The following NEB variants were observed in gnomAD, a reference collection of about 807,000 sequenced individuals.
The protein encoded by NEB is nebulin.
A neutral mutation model predicts 952.2 loss-of-function variants in NEB; 512 were observed. That is an observed-to-expected ratio of 0.54 (90% CI 0.50 to 0.58). The LOEUF is 0.58. Ranked by LOEUF, NEB falls within the 20% of genes least tolerant of loss-of-function variation. The probability of loss-of-function intolerance (pLI) is 0.00; values close to 1 mark genes in which losing one functional copy is unlikely to be tolerated. For synonymous variants in NEB, 2,900 were observed against 3,149.8 expected (o/e 0.92, Z 2.66); for missense variants, 8,428 against 9,231.1 (o/e 0.91, Z 3.56).
intron 58 of NEB, 37 bp from the exon 59 acceptor site, chr2:151,642,906 G>A: frequency 1.4e-6 from 2 of 1,469,802 alleles, no homozygotes; most frequent in South Asian, 1.2e-5. Flanking sequence ...GTATAGGCCA[G>A]TAATAAATAG....
At chr2:151,492,325 C>A in intron 177 of NEB, 44 bp from the exon 178 acceptor site, 1 of 1,597,522 alleles carries the variant, frequency 6.3e-7, no homozygotes, top group Non-Finnish European at 8.5e-7. Flanking sequence ...GATGGTGTGA[C>A]TATATCCCTT....
At chr2:151,523,235 A>T (rs1253568836) in intron 153 of NEB, among the ~76,000 whole-genome samples, 1 of 152,204 alleles carries the variant, frequency 6.6e-6, no homozygotes, top group Non-Finnish European at 1.5e-5. Context: ...CAATTCCATT[A>T]ATTTATAATA....
Position 151,547,472 on chromosome 2 carries a change from G to T in NEB, c.20324C>A (p.Pro6775His), listed in dbSNP as rs756765934. 1 of 1,607,600 alleles carries T rather than the reference G, an allele frequency of 6.2e-7. No homozygotes were observed. The highest frequency in any genetic ancestry group is 8.5e-7 in the Non-Finnish European group (1 of 1,177,200). ...QGHMISLPYT[P>H]QVIHCRYVGD... Reference sequence around the variant, plus strand: ...CACATAGCGGCAATGGATCACTTGGGGTGTGTATGGCAGAGAGATCATGTG... The same window carrying T: ...CACATAGCGGCAATGGATCACTTGGTGTGTGTATGGCAGAGAGATCATGTG... The change falls in exon 133 of 182, where the codon CCC (proline) becomes CAC (histidine). Residue 6775 changes from proline (P) to histidine (H), a missense_variant. Physicochemically the swap from Pro to His is moderately conservative, Grantham distance 77. Around this residue, in one of 11 missense-constraint regions of NEB, gnomAD observed 3,374 missense variants for 3,651.5 expected, o/e 0.92. Transcript: ENST00000397345.
At chr2:151,721,844 G>T (rs1175026414) in intron 9 of NEB, among the ~76,000 whole-genome samples, 1 of 152,106 alleles carries the variant, frequency 6.6e-6, no homozygotes, top group African/African-American at 2.4e-5. Flanking sequence ...CAATAAAATT[G>T]GTATCATGTG....
At position 151,717,538 on chromosome 2, in the gene NEB, AGG is replaced by A. The variant is rs2150351856; in HGVS notation, c.718-20_718-19del. The A allele has an allele frequency of 6.4e-7, 1 of 1,565,836 alleles. No homozygotes were observed. Among genetic ancestry groups the A allele is most frequent in the East Asian group, 2.2e-5 (1 of 44,626 alleles). ...TAGGCAACCTGATGAAATAAAAGAC[AGG>A]GATGTATTTTAAAAACGATTATGCT... On this transcript the variant is annotated intron_variant, in intron 9 of 181. Coordinates refer to ENST00000397345, the MANE Select transcript of NEB (RefSeq NM_001164508.2).
In NEB at chr2:151,581,690, T is replaced by C. The variant is rs1004456864; in HGVS notation, c.16180-103A>G. 4 of 1,357,228 alleles carry C rather than the reference T, an allele frequency of 2.9e-6. No homozygotes were observed. In the African/African-American group the frequency reaches 4.5e-5, roughly 15 times the overall value. The allele number at this position is 1,357,228 out of a possible 1,614,324, so 84.1% of individuals were successfully genotyped here. A position where few individuals can be genotyped will look rare whatever the true frequency, so the allele number is the denominator to read the frequency against. On this transcript the variant is annotated intron_variant, in intron 102 of 181. Transcript: ENST00000397345. ...AAAACATACTTGAATAAATGGATGA[T>C]GAAAAAAATTTTAAGTGAATTTTAT...
rs773343961 is a variant in NEB at position 151,540,387 on chromosome 2, G to A, written c.20849C>T (p.Pro6950Leu). 2 of 1,586,402 alleles carry A rather than the reference G, an allele frequency of 1.3e-6. No individual in the cohort carries two copies. The highest frequency in any genetic ancestry group is 1.7e-6 in the Non-Finnish European group (2 of 1,164,552). ...KDKYTPVPDTPILIRAKRAYW... is the reference protein window; with the variant it reads ...KDKYTPVPDTLILIRAKRAYW... The stretch of plus-strand genomic sequence containing the variant: ...AGCCCTCTTGGCTCTGATGAGGATT[G>A]GCGTATCTGGAACCGGAGTGTACTT... The change falls in exon 138 of 182, where the codon CCA becomes CTA. Residue 6950 changes from proline to leucine, a missense_variant. Pro to Leu is a moderately conservative substitution (Grantham distance 98, BLOSUM62 -3). This residue lies in a region of NEB where 3,374 missense variants were observed against 3,651.5 expected (regional missense o/e 0.92). Coordinates refer to ENST00000397345, the MANE Select transcript of NEB (RefSeq NM_001164508.2).
rs74482326 is a variant in NEB, at chr2:151,671,063, C to T, written c.4466G>A (p.Gly1489Asp). The change falls in exon 38 of 182, where the codon GGC becomes GAC. Residue 1489 changes from glycine to aspartate, a missense_variant. Physicochemically the swap from Gly to Asp is moderately conservative, Grantham distance 94. Transcript: ENST00000397345. ...TGTGTTATGCTGAGCCAACACCATG[C>T]CCATGGAATCAGGCACACTTGTGAA... ...VKFTSVPDSMGMVLAQHNTKQ... is the reference protein window; with the variant it reads ...VKFTSVPDSMDMVLAQHNTKQ... 3.2e-4 allele frequency: 520 copies of T among 1,613,918 alleles called. 4 individuals carry two copies. The African/African-American group carries it at 6.4e-3, about 20-fold the overall frequency.
chr2:151,641,628 A>G (rs78261389), intron 60 of NEB, among the ~76,000 whole-genome samples: 313 of 152,236 alleles, frequency 2.1e-3, no homozygotes, highest in African/African-American at 7.3e-3. Flanking sequence ...ATGGTGCCTG[A>G]CCTATACACA....
chr2:151,614,208 G>T (rs1288917682), intron 77 of NEB, 68 bp downstream of exon 77: 2 of 1,553,022 alleles, frequency 1.3e-6, no homozygotes, highest in African/African-American at 2.7e-5. Flanking sequence ...ACTGTGGAAA[G>T]ATTCCATGGC....
chr2:151,526,991 T>C lies in NEB; in HGVS notation c.21872A>G (p.Lys7291Arg). The change falls in exon 148 of 182, where the codon AAG becomes AGG. Residue 7291 changes from lysine to arginine, a missense_variant. By Grantham distance (26) the Lys-to-Arg change is conservative (BLOSUM62 2). Coordinates refer to ENST00000397345, the MANE Select transcript of NEB (RefSeq NM_001164508.2). ...FEYKLDREFL[K>R]GCKLSVTDDK... ...ATCAGTGACAGAAAGCTTGCAACCC[T>C]TGAGGAACTCCCGGTCCAGCTTATA... 1 of 1,602,766 alleles carries C rather than the reference T, an allele frequency of 6.2e-7. No individual in the cohort carries two copies. Among genetic ancestry groups the C allele is most frequent in the Non-Finnish European group, 8.5e-7 (1 of 1,173,752 alleles).
At chr2:151,682,501 A>G (rs2148725117) in intron 29 of NEB, among the ~76,000 whole-genome samples, 161 bp downstream of exon 29, 1 of 152,346 alleles carries the variant, frequency 6.6e-6, no homozygotes, top group Non-Finnish European at 1.5e-5. Flanking sequence ...GGTAATATAA[A>G]GGTTTGTGCT....
At chr2:151,500,784 A>AGAT (rs1478002504) in intron 168 of NEB, among the ~76,000 whole-genome samples, 1 of 151,882 alleles carries the variant, frequency 6.6e-6, no homozygotes, top group Non-Finnish European at 1.5e-5. Flanking sequence ...TTTTTAGCAG[A>AGAT]GATGGAATTT....
At position 151,570,241 on chromosome 2, in the gene NEB, T is replaced by G. The variant is rs1288291044; in HGVS notation, c.17270A>C (p.Lys5757Thr). Residue 5757 changes from lysine (K) to threonine (T), a missense_variant, in exon 109 of 182, where the codon AAG becomes ACG. Coordinates refer to ENST00000397345, the MANE Select transcript of NEB (RefSeq NM_001164508.2). The part of the protein sequence containing the change: ...YRLDWAKWKA[K>T]IQSPVDMLSI... ...AAGCATGTCCACAGGGCTCTGGATC[T>G]TGGCCTTCCATTTGGCCCAGTCCAG... 6.2e-7 allele frequency: 1 copy of G among 1,613,740 alleles called. No homozygotes were observed. The highest frequency in any genetic ancestry group is 1.3e-5 in the African/African-American group (1 of 74,936).
At position 151,531,765 on chromosome 2, in the gene NEB, A is replaced by G. The variant is rs775842782; in HGVS notation, c.21522+27T>C. On this transcript the variant is annotated intron_variant, in intron 144 of 181. Coordinates refer to ENST00000397345, the MANE Select transcript of NEB (RefSeq NM_001164508.2). ...TTTGCAGATGCCCCCTGAGTTTGAG[A>G]AGGTATTCAGTGTTTCTTGCACTTA... is the stretch of plus-strand genomic sequence containing the variant. 35 of 1,535,644 alleles carry G rather than the reference A, an allele frequency of 2.3e-5. No individual in the cohort carries two copies. The South Asian group carries it at 4.0e-4, about 18-fold the overall frequency.
chr2:151,631,187 G>C lies in NEB; in HGVS notation c.9574C>G (p.Leu3192Val), dbSNP rs745990032. 8.7e-6 allele frequency: 14 copies of C among 1,613,928 alleles called. No homozygotes were observed. In the East Asian group the frequency reaches 1.8e-4, roughly 21 times the overall value. The part of the protein sequence containing the change: ...KLKFTSVTDS[L>V]EQVLAKNNAL... Reference sequence around the variant, plus strand: ...TTGTTCTTGGCCAGCACCTGCTCTAGAGAATCAGTCACACTGGTAAATTTC... The same window carrying C: ...TTGTTCTTGGCCAGCACCTGCTCTACAGAATCAGTCACACTGGTAAATTTC... The change falls in exon 66 of 182, where the codon CTA becomes GTA. Residue 3192 changes from leucine (L) to valine (V), a missense_variant. Transcript: ENST00000397345.
At chr2:151,528,057 A>C (rs2087599723) in intron 146 of NEB, among the ~76,000 whole-genome samples, 1 of 152,226 alleles carries the variant, frequency 6.6e-6, no homozygotes, top group Non-Finnish European at 1.5e-5. Context: ...ACTGCATGAA[A>C]TAGACAGCTG....
At chr2:151,627,927 T>G in intron 68 of NEB, 93 bp from the exon 69 acceptor site, 8 of 1,448,194 alleles carry the variant, frequency 5.5e-6, no homozygotes, top group Non-Finnish European at 6.5e-6. Flanking sequence ...AAATTGCTAA[T>G]TCTTGCAGAG....
chr2:151,538,231 T>A lies in NEB; in HGVS notation c.20906A>T (p.Glu6969Val), dbSNP rs371680259. 9.3e-6 allele frequency: 15 copies of A among 1,611,142 alleles called. No individual in the cohort carries two copies. The highest frequency in any genetic ancestry group is 1.3e-5 in the Non-Finnish European group (15 of 1,177,440). The part of the protein sequence containing the change: ...YWNASDLRYK[E>V]TFQKTKGKYH... ...TTTCCCTTTGGTCTTTTGAAATGTT[T>A]CTTTGTAGCGTAGCTAGAAAGAGAA... The change falls in exon 139 of 182, where the codon GAA becomes GTA. Residue 6969 changes from glutamate to valine, a missense_variant. Transcript: ENST00000397345.
Sources: gnomAD v4.1 joint callset for allele counts (sites outside exome capture counted in the v4.1 genomes callset) on GRCh38, gnomAD v4.1.1 for gene constraint, gnomAD v4.1.1 regional missense constraint, MANE v1.5 for transcripts, NCBI Gene and HGNC (gene_info 2026-07-23, HGNC 2026-07-21) for gene names.